AFF3: variants seen among roughly 807,000 people sequenced by gnomAD.
The protein encoded by AFF3 is ALF transcription elongation factor 3.
AFF3 carries 32 observed loss-of-function variants against 129.7 expected under a neutral mutation model. The observed-to-expected ratio is 0.25, with a 90% confidence interval of 0.19 to 0.33. The LOEUF (loss-of-function observed/expected upper bound fraction) is 0.33. Ranked by LOEUF, AFF3 falls within the 10% of genes least tolerant of loss-of-function variation. The pLI, the probability that AFF3 is intolerant of heterozygous loss-of-function variation, is 1.00. For synonymous variants in AFF3, 644 were observed against 635.4 expected, an observed-to-expected ratio of 1.01 and a Z score of -0.20; for missense variants, 1,373 against 1,592.0, an observed-to-expected ratio of 0.86 and a Z score of 2.34.
chr2:99,714,741 G>A (rs1160175904), intron 11 of AFF3, among the ~76,000 whole-genome samples: 1 of 152,156 alleles, frequency 6.6e-6, no homozygotes, highest in Admixed American at 6.5e-5. Flanking sequence ...ATTGTTAAAT[G>A]CACTTGCATA....
At chr2:100,052,819 C>T (rs896188811) in intron 4 of AFF3, among the ~76,000 whole-genome samples, 3 of 152,244 alleles carry the variant, frequency 2.0e-5, no homozygotes, top group South Asian at 2.1e-4. Flanking sequence ...CAGGGCGCTG[C>T]ACCTGCTCAC....
intron 8 of AFF3, among the ~76,000 whole-genome samples, chr2:99,788,183 T>A (rs1684944604): frequency 6.6e-6 from 1 of 152,254 alleles, no homozygotes; most frequent in Non-Finnish European, 1.5e-5. Flanking sequence ...CACAGGTTTA[T>A]GTATTTACTA....
At chr2:99,915,256 C>A (rs549683708) in intron 7 of AFF3, among the ~76,000 whole-genome samples, 8 of 151,920 alleles carry the variant, frequency 5.3e-5, no homozygotes, top group Admixed American at 4.6e-4. Context: ...TAAAAAAAAA[C>A]CAGAGCCACA....
At chr2:99,940,333 T>C (rs1248127671) in intron 7 of AFF3, among the ~76,000 whole-genome samples, 1 of 152,184 alleles carries the variant, frequency 6.6e-6, no homozygotes, top group African/African-American at 2.4e-5. Context: ...AGCAACTCCA[T>C]CTTGAATAGG....
At chr2:99,922,051 A>G (rs997392158) in intron 7 of AFF3, among the ~76,000 whole-genome samples, 3 of 152,186 alleles carry the variant, frequency 2.0e-5, no homozygotes, top group Admixed American at 6.5e-5. Context: ...GAAAAAGACT[A>G]ACAACACCAA....
intron 4 of AFF3, among the ~76,000 whole-genome samples, chr2:100,034,871 T>C (rs1167857145): frequency 6.6e-6 from 1 of 152,224 alleles, no homozygotes; most frequent in Non-Finnish European, 1.5e-5. Context: ...AACTGCCTCA[T>C]GTAAATTTTC....
At chr2:99,655,263 C>T (rs1250699236) in intron 12 of AFF3, among the ~76,000 whole-genome samples, 1 of 134,908 alleles carries the variant, frequency 7.4e-6, no homozygotes, top group Non-Finnish European at 1.6e-5. Context: ...CACACACACA[C>T]ACAGCAGTCT....
intron 7 of AFF3, among the ~76,000 whole-genome samples, chr2:100,003,980 TAA>T (rs72322086): frequency 0.046 from 6,670 of 144,790 alleles, 491 homozygotes; most frequent in African/African-American, 0.16. Flanking sequence ...CATCTTACAC[TAA>T]AAAAAAAAAA....
chr2:99,617,938 C>T (rs1454424122), intron 13 of AFF3, among the ~76,000 whole-genome samples: 1 of 152,150 alleles, frequency 6.6e-6, no homozygotes, highest in Non-Finnish European at 1.5e-5. Context: ...TAATACTACC[C>T]TGTGTTCTCT....
intron 8 of AFF3, among the ~76,000 whole-genome samples, chr2:99,767,371 T>C (rs1254004037): frequency 6.6e-6 from 1 of 152,164 alleles, no homozygotes; most frequent in Non-Finnish European, 1.5e-5. Context: ...TGTCAGACAT[T>C]TGAGGGGCTG....
At chr2:100,042,049 C>T (rs903204940) in intron 4 of AFF3, among the ~76,000 whole-genome samples, 4 of 152,164 alleles carry the variant, frequency 2.6e-5, no homozygotes, top group Non-Finnish European at 5.9e-5. Context: ...CTACCACCCC[C>T]ACACCATCCC....
At chr2:100,023,695 A>T (rs938469897) in intron 4 of AFF3, among the ~76,000 whole-genome samples, 14 of 152,074 alleles carry the variant, frequency 9.2e-5, no homozygotes, top group Non-Finnish European at 1.8e-4. Flanking sequence ...TCTGTGCCTT[A>T]CCCCCTCATC....
chr2:99,972,780 T>C (rs1278567504), intron 7 of AFF3, among the ~76,000 whole-genome samples: 2 of 152,146 alleles, frequency 1.3e-5, no homozygotes, highest in Admixed American at 6.5e-5. Flanking sequence ...ACTTTAAGCA[T>C]GGTCAAGGAA....
At chr2:99,730,334 G>T (rs1196123420) in intron 10 of AFF3, among the ~76,000 whole-genome samples, 1 of 152,100 alleles carries the variant, frequency 6.6e-6, no homozygotes, top group Non-Finnish European at 1.5e-5. Context: ...GTGCTCTTGT[G>T]AGCATAAAGA....
At chr2:100,094,783 C>CA (rs1233405901) in intron 4 of AFF3, among the ~76,000 whole-genome samples, 1 of 137,034 alleles carries the variant, frequency 7.3e-6, no homozygotes, top group Admixed American at 7.1e-5. Context: ...TAGTAAACTA[C>CA]AGAGTCTATG....
At chr2:99,947,326 C>T (rs1576407025) in intron 7 of AFF3, among the ~76,000 whole-genome samples, 1 of 152,048 alleles carries the variant, frequency 6.6e-6, no homozygotes, top group South Asian at 2.1e-4. Context: ...ACCTGTAATC[C>T]CAGCTACTCC....
At chr2:99,671,675 G>GC (rs1243892177) in intron 12 of AFF3, among the ~76,000 whole-genome samples, 1 of 151,840 alleles carries the variant, frequency 6.6e-6, no homozygotes, top group Non-Finnish European at 1.5e-5. Context: ...ATTTTGTACT[G>GC]CATACAAAAA....
At chr2:100,041,043 C>T (rs945078627) in intron 4 of AFF3, among the ~76,000 whole-genome samples, 5 of 152,226 alleles carry the variant, frequency 3.3e-5, no homozygotes, top group African/African-American at 9.6e-5. Context: ...AATGAATAAC[C>T]TCACAAGGAT....
intron 7 of AFF3, among the ~76,000 whole-genome samples, chr2:99,969,481 T>C: frequency 6.6e-6 from 1 of 151,950 alleles, no homozygotes; most frequent in Non-Finnish European, 1.5e-5. Context: ...TTATTTTCAT[T>C]TATTTATTTA....
Sources: allele counts gnomAD v4.1 joint callset (sites outside exome capture counted in the v4.1 genomes callset), GRCh38; gene constraint gnomAD v4.1.1; transcripts MANE v1.5; gene names NCBI Gene and HGNC (gene_info 2026-07-23, HGNC 2026-07-21).